FMN1: variants seen among roughly 807,000 people sequenced by gnomAD.
FMN1 encodes the protein formin 1.
A neutral mutation model predicts 132.4 loss-of-function variants in FMN1; 110 were observed. The observed-to-expected ratio is 0.83, with a 90% CI of 0.71 to 0.97. The LOEUF is 0.97. FMN1 is among the 50% of genes least tolerant of loss of function. The probability of loss-of-function intolerance (pLI) is 0.00; values close to 1 mark genes in which losing one functional copy is unlikely to be tolerated. For synonymous variants in FMN1, 722 were observed against 651.7 expected, an observed-to-expected ratio of 1.11 and a Z score of -1.64; for missense variants, 1,792 against 1,705.3, an observed-to-expected ratio of 1.05 and a Z score of -0.90.
intron 16 of FMN1, among the ~76,000 whole-genome samples, chr15:32,884,773 C>A (rs2059855151): frequency 6.6e-6 from 1 of 152,148 alleles, no homozygotes; most frequent in African/African-American, 2.4e-5. Context: ...GGATGTAGAA[C>A]AATAAACAAA....
intron 4 of FMN1, among the ~76,000 whole-genome samples, chr15:33,147,426 T>A (rs573221684): frequency 6.6e-6 from 1 of 152,358 alleles, no homozygotes; most frequent in South Asian, 2.1e-4. Flanking sequence ...CTTTTAATCA[T>A]GGTGTTATTC....
Position 33,082,053 on chromosome 15 carries a change from G to GTGTGTGTGTGTGTGTT in FMN1, c.2043+6745_2043+6746insAACACACACACACACA, listed in dbSNP as rs540217494. 5.3e-3 allele frequency among the ~76,000 whole-genome samples: 708 copies of GTGTGTGTGTGTGTGTT among 134,542 alleles called. 16 individuals carry two copies. The highest frequency in any genetic ancestry group is 0.017 in the African/African-American group (642 of 36,806). 88.3% of individuals were successfully genotyped at this position (134,542 alleles called of 152,430 possible). A position where few individuals can be genotyped will look rare whatever the true frequency, so the allele number is the denominator to read the frequency against. On this transcript the variant is annotated intron_variant, in intron 5 of 20. Coordinates refer to ENST00000616417, the MANE Select transcript of FMN1 (RefSeq NM_001277313.2). ...TGTGTGTGTGTGTGTGTGTGTGTGT[G>GTGTGTGTGTGTGTGTT]TAAGACGGAGTCTCGCTTTGTCACC...
chr15:32,795,551 A>G (rs1034628319), intron 19 of FMN1, among the ~76,000 whole-genome samples: 3 of 151,344 alleles, frequency 2.0e-5, no homozygotes, highest in Non-Finnish European at 4.4e-5. Context: ...TTCCCAGTGA[A>G]TAAGTGACTG....
chr15:33,089,088 T>C (rs1416490420), intron 4 of FMN1, 114 bp from the exon 5 acceptor site: 4 of 807,108 alleles, frequency 5.0e-6, no homozygotes, highest in Non-Finnish European at 7.3e-6. Flanking sequence ...TTACTTTGCT[T>C]TCTAAGTTAT....
At chr15:32,792,114 G>C (rs2057102608) in intron 19 of FMN1, among the ~76,000 whole-genome samples, 1 of 151,930 alleles carries the variant, frequency 6.6e-6, no homozygotes, top group Admixed American at 6.6e-5. Context: ...TTCGCAGAGA[G>C]ACCCAATATA....
intron 9 of FMN1, among the ~76,000 whole-genome samples, chr15:32,939,731 T>C (rs988961800): frequency 6.6e-6 from 1 of 152,202 alleles, no homozygotes; most frequent in Non-Finnish European, 1.5e-5. Flanking sequence ...ACATCTCTTA[T>C]ACTGTGCTTG....
intron 7 of FMN1, among the ~76,000 whole-genome samples, chr15:32,974,203 A>T (rs1468790266): frequency 1.3e-5 from 2 of 152,238 alleles, no homozygotes; most frequent in Non-Finnish European, 2.9e-5. Flanking sequence ...ACATATAAAG[A>T]AAGTCTCAAG....
Position 33,067,222 on chromosome 15 carries a change from G to A in FMN1, c.2044-2148C>T, listed in dbSNP as rs183327656. On this transcript the variant is annotated intron_variant, in intron 5 of 20. Transcript: ENST00000616417. ...GGCGACGCTCTGTCTGAAGACCACC[G>A]TTGCCAGCTTCCAGTTTGCTGCTCA... 405 of 1,613,294 alleles carry A rather than the reference G, an allele frequency of 2.5e-4. 4 individuals are homozygous for A. The East Asian group carries it at 7.8e-3, about 31-fold the overall frequency.
chr15:33,191,106 C>T (rs1966063012), intron 2 of FMN1, among the ~76,000 whole-genome samples: 1 of 150,962 alleles, frequency 6.6e-6, no homozygotes, highest in African/African-American at 2.4e-5. Flanking sequence ...GGAGGCGGAG[C>T]TTGCAGTGTG....
At chr15:32,801,500 C>T (rs140257844) in intron 18 of FMN1, among the ~76,000 whole-genome samples, 3,847 of 152,212 alleles carry the variant, frequency 0.025, 173 homozygotes, top group African/African-American at 0.087. Context: ...GGCACAGTGG[C>T]TCACGCCTGT....
At chr15:33,066,548 T>G (rs753558211) in intron 5 of FMN1, 1 of 1,595,120 alleles carries the variant, frequency 6.3e-7, no homozygotes, top group South Asian at 1.1e-5. Flanking sequence ...TGGCTTAGAA[T>G]TGGACCGTTC....
intron 5 of FMN1, chr15:33,067,473 G>C (rs779457999): frequency 6.2e-6 from 10 of 1,613,964 alleles, no homozygotes; most frequent in Non-Finnish European, 7.6e-6. Context: ...AGGGTCCCAC[G>C]AACACAAATG....
intron 9 of FMN1, among the ~76,000 whole-genome samples, chr15:32,936,683 GAAGGAAGGAAGGAGAAGAAAGAAGGA>G (rs956328728): frequency 1.1e-4 from 16 of 151,892 alleles, no homozygotes; most frequent in East Asian, 5.8e-4. Context: ...GGAGGAGAAA[GAAGGAAGGAAGGAGAAGAAAGAAGGA>G]AAGGAAGGAA....
intron 10 of FMN1, among the ~76,000 whole-genome samples, chr15:32,924,879 A>C (rs2060919625): frequency 6.6e-6 from 1 of 152,210 alleles, no homozygotes; most frequent in African/African-American, 2.4e-5. Context: ...ACGCCACTGC[A>C]CTCCAGCCTG....
rs555586408 is a variant in FMN1 at position 32,888,569 on chromosome 15, G to A, written c.3715-277C>T. Among the ~76,000 whole-genome samples the A allele has an allele frequency of 1.8e-4, 28 of 152,288 alleles. No individual in the cohort carries two copies. The South Asian group carries it at 4.6e-3, about 25-fold the overall frequency. ...GAATCAAAGAGAAAATTGTCAGGTC[G>A]TCCTGATCTTGGACACTCCACTCCC... On this transcript the variant is annotated intron_variant, in intron 15 of 20. Coordinates refer to ENST00000616417, the MANE Select transcript of FMN1 (RefSeq NM_001277313.2).
intron 3 of FMN1, among the ~76,000 whole-genome samples, chr15:33,165,687 G>A (rs1965079450): frequency 6.6e-6 from 1 of 152,134 alleles, no homozygotes; most frequent in East Asian, 1.9e-4. Flanking sequence ...CACCGCACCT[G>A]GCCGGTTTTT....
intron 5 of FMN1, chr15:33,066,783 T>A: frequency 6.2e-7 from 1 of 1,613,932 alleles, no homozygotes; most frequent in Non-Finnish European, 8.5e-7. Context: ...ATCTCTTCTC[T>A]CCTGGGCGAC....
intron 17 of FMN1, among the ~76,000 whole-genome samples, chr15:32,856,667 G>A (rs1383970944): frequency 6.6e-6 from 1 of 152,228 alleles, no homozygotes; most frequent in Non-Finnish European, 1.5e-5. Context: ...AATGTGAAAT[G>A]CATGACCACA....
chr15:32,778,474 T>C (rs111924734), intron 19 of FMN1, among the ~76,000 whole-genome samples: 2 of 151,802 alleles, frequency 1.3e-5, no homozygotes, highest in Non-Finnish European at 2.9e-5. Context: ...TTATACCCCC[T>C]CCTCTAAAAA....
Sources: gnomAD v4.1 joint callset for allele counts (sites outside exome capture counted in the v4.1 genomes callset) on GRCh38, gnomAD v4.1.1 for gene constraint, MANE v1.5 for transcripts, NCBI Gene and HGNC (gene_info 2026-07-23, HGNC 2026-07-21) for gene names.